The following STARD9 variants were observed in gnomAD, a reference collection of about 807,000 sequenced individuals.
STARD9 encodes StAR related lipid transfer domain containing 9.
STARD9 carries 346 observed loss-of-function variants against 399.8 expected under a neutral mutation model. That is an observed-to-expected ratio of 0.87 (90% CI 0.79 to 0.95). STARD9 has a LOEUF of 0.95. Among genes scored for constraint, STARD9 ranks in the 40% least tolerant of loss-of-function variants. The pLI is 0.00. For missense variants in STARD9, 5,832 were observed against 5,667.5 expected, an observed-to-expected ratio of 1.03 and a Z score of -0.93; for synonymous variants, 2,203 against 2,143.5, an observed-to-expected ratio of 1.03 and a Z score of -0.77.
At chr15:42,632,272 C>T (rs553834804) in intron 3 of STARD9, among the ~76,000 whole-genome samples, 2 of 151,802 alleles carry the variant, frequency 1.3e-5, no homozygotes, top group South Asian at 4.2e-4. Flanking sequence ...TTTTTGGTTT[C>T]CATTTGCATG....
At chr15:42,591,814 C>G (rs2058401005) in intron 3 of STARD9, among the ~76,000 whole-genome samples, 1 of 152,226 alleles carries the variant, frequency 6.6e-6, no homozygotes, top group Non-Finnish European at 1.5e-5. Context: ...GCAAGTTCTA[C>G]TGAGAAGCAG....
chr15:42,663,857 G>A lies in STARD9; in HGVS notation c.1116G>A (p.Met372Ile). 1.3e-6 allele frequency: 2 copies of A among 1,537,144 alleles called. No homozygotes were observed. Among genetic ancestry groups the A allele is most frequent in the Non-Finnish European group, 1.7e-6 (2 of 1,146,800 alleles). ...SPAHTSYSET[M>I]STLRYASSAK... ...CACACACTAGCTACAGTGAGACCAT[G>A]AGCACACTGAGATATGCATCCAGTG... The change falls in exon 13 of 33, where the codon ATG becomes ATA. Residue 372 changes from methionine to isoleucine, a missense_variant. Around this residue, in one of 2 missense-constraint regions of STARD9, gnomAD observed 5,828 missense variants for 5,651.1 expected, o/e 1.03. Transcript: ENST00000290607.
In STARD9 at chr15:42,651,070, A is replaced by G. The variant is rs1377822144; in HGVS notation, c.614A>G (p.Glu205Gly). 4.6e-6 allele frequency: 7 copies of G among 1,534,242 alleles called. No individual in the cohort carries two copies. The highest frequency in any genetic ancestry group is 1.7e-4 in the Middle Eastern group (1 of 5,976). ...AAGCAAGTAATCCAACTCTTGGAGG[A>G]GGGAATTGCAAACAGGTAACAGGTT... ...NYKQVIQLLE[E>G]GIANRITAAT... The change falls in exon 8 of 33, where the codon GAG (glutamate) becomes GGG (glycine). Residue 205 changes from glutamate to glycine, a missense_variant. Around this residue, in one of 2 missense-constraint regions of STARD9, gnomAD observed 5,828 missense variants for 5,651.1 expected, o/e 1.03. Coordinates refer to ENST00000290607, the MANE Select transcript of STARD9 (RefSeq NM_020759.3).
chr15:42,621,188 G>A (rs2059085252), intron 3 of STARD9, among the ~76,000 whole-genome samples: 1 of 151,988 alleles, frequency 6.6e-6, no homozygotes. Flanking sequence ...TCACTGTAAA[G>A]TTACTCTTTC....
chr15:42,658,902 C>A (rs1428720552), intron 9 of STARD9, among the ~76,000 whole-genome samples: 1 of 151,996 alleles, frequency 6.6e-6, no homozygotes, highest in South Asian at 2.1e-4. Flanking sequence ...CACTTGAGAT[C>A]GGGGGTCGAG....
At chr15:42,660,146 TACAG>T (rs1036508422) in intron 9 of STARD9, among the ~76,000 whole-genome samples, 1 of 152,172 alleles carries the variant, frequency 6.6e-6, no homozygotes, top group African/African-American at 2.4e-5. Flanking sequence ...AAGGTAGACT[TACAG>T]ACATAGAAAG....
chr15:42,650,498 C>T (rs12324135), intron 7 of STARD9, among the ~76,000 whole-genome samples: 21,293 of 152,172 alleles, frequency 0.14, 4,045 homozygotes, highest in African/African-American at 0.43. Context: ...GTCCTGACCA[C>T]GCCTCTGATC....
intron 15 of STARD9, among the ~76,000 whole-genome samples, chr15:42,668,767 C>T (rs1465313369): frequency 1.3e-5 from 2 of 151,834 alleles, no homozygotes; most frequent in African/African-American, 4.8e-5. Context: ...AAAAGGGTTC[C>T]CAAGTATGGA....
chr15:42,595,804 C>T (rs968014803), intron 3 of STARD9, among the ~76,000 whole-genome samples: 4 of 152,124 alleles, frequency 2.6e-5, no homozygotes, highest in Non-Finnish European at 5.9e-5. Flanking sequence ...TCAGATGGGG[C>T]TCTGCAGAGC....
In STARD9 at chr15:42,686,868, C is replaced by G. The variant is rs1452239981; in HGVS notation, c.5290C>G (p.Pro1764Ala). The change falls in exon 23 of 33, where the codon CCA becomes GCA. Residue 1764 changes from proline (P) to alanine (A), a missense_variant. Physicochemically the swap from Pro to Ala is conservative, Grantham distance 27. Around this residue, in one of 2 missense-constraint regions of STARD9, gnomAD observed 5,828 missense variants for 5,651.1 expected, o/e 1.03. Coordinates refer to ENST00000290607, the MANE Select transcript of STARD9 (RefSeq NM_020759.3). The part of the protein sequence containing the change: ...DALTETALEI[P>A]ACREVRVPSP... ...CCTGACAGAAACTGCCTTAGAGATT[C>G]CAGCTTGCAGAGAAGTAAGGGTACC... The G allele has an allele frequency of 3.3e-6, 5 of 1,537,024 alleles. No homozygotes were observed. The South Asian group carries it at 3.6e-5, about 11-fold the overall frequency.
chr15:42,618,139 C>G (rs1407890910), intron 3 of STARD9, among the ~76,000 whole-genome samples: 1 of 151,118 alleles, frequency 6.6e-6, no homozygotes, highest in East Asian at 2.0e-4. Context: ...CTTTTATTTA[C>G]TATTTATTTA....
intron 31 of STARD9, 94 bp from the exon 32 acceptor site, chr15:42,718,658 C>A: frequency 2.1e-6 from 3 of 1,462,296 alleles, no homozygotes; most frequent in Non-Finnish European, 2.8e-6. Context: ...GAAGGCTGGC[C>A]CAGTGTTGCC....
intron 26 of STARD9, among the ~76,000 whole-genome samples, chr15:42,713,828 G>GAT: frequency 6.6e-6 from 1 of 152,162 alleles, no homozygotes; most frequent in East Asian, 1.9e-4. Context: ...ATTCATAAGG[G>GAT]ATATTACTCT....
At position 42,693,297 on chromosome 15, in the gene STARD9, A is replaced by G. The variant is rs967405153; in HGVS notation, c.11719A>G (p.Ser3907Gly). Residue 3907 changes from serine to glycine, a missense_variant, in exon 23 of 33, where the codon AGC (serine) becomes GGC (glycine). Transcript: ENST00000290607. ...CTCCCCAATCCTCACTCTTAGTGCC[A>G]GCACCCAAGAGCCGGGTCTTTCCCC... ...ASSPILTLSASTQEPGLSPGS... is the reference protein window; with the variant it reads ...ASSPILTLSAGTQEPGLSPGS... 1 of 1,537,084 alleles carries G rather than the reference A, an allele frequency of 6.5e-7. No individual in the cohort carries two copies. The highest frequency in any genetic ancestry group is 1.2e-5 in the South Asian group (1 of 84,056).
At position 42,691,288 on chromosome 15, in the gene STARD9, A is replaced by G; in HGVS notation, c.9710A>G (p.Asp3237Gly). Residue 3237 changes from aspartate (D) to glycine (G), a missense_variant, in exon 23 of 33, where the codon GAT (aspartate) becomes GGT (glycine). Coordinates refer to ENST00000290607, the MANE Select transcript of STARD9 (RefSeq NM_020759.3). Reference sequence around the variant, plus strand: ...GGTGTGAATCCCCTTCCTGATGAAGATGGCTTAGATGGCTGTCAGATTTTA... The same window carrying G: ...GGTGTGAATCCCCTTCCTGATGAAGGTGGCTTAGATGGCTGTCAGATTTTA... ...AQGVNPLPDE[D>G]GLDGCQILDA... 1 of 1,537,228 alleles carries G rather than the reference A, an allele frequency of 6.5e-7. No homozygotes were observed. Among genetic ancestry groups the G allele is most frequent in the Non-Finnish European group, 8.7e-7 (1 of 1,146,896 alleles).
chr15:42,665,164 C>T, intron 13 of STARD9, 89 bp from the exon 14 acceptor site: 1 of 1,029,822 alleles, frequency 9.7e-7, no homozygotes, highest in Non-Finnish European at 1.4e-6. Flanking sequence ...AAGGAGTAAT[C>T]TACCTCTTCC....
intron 12 of STARD9, 22 bp from the exon 13 acceptor site, chr15:42,663,798 A>C: frequency 6.6e-7 from 1 of 1,513,846 alleles, no homozygotes. Flanking sequence ...GCATGTTTTT[A>C]AACTTTCTCC....
intron 2 of STARD9, among the ~76,000 whole-genome samples, chr15:42,583,696 G>C (rs1386686132): frequency 6.6e-6 from 1 of 152,102 alleles, no homozygotes; most frequent in African/African-American, 2.4e-5. Context: ...GGGATGTTTT[G>C]GGGGCAATAG....
intron 3 of STARD9, among the ~76,000 whole-genome samples, chr15:42,625,208 G>A (rs142416794): frequency 0.011 from 1,635 of 151,104 alleles, 34 homozygotes; most frequent in African/African-American, 0.038. Context: ...TGTATTTTTA[G>A]TAGAGATGGG....
Sources: gnomAD v4.1 joint callset for allele counts (sites outside exome capture counted in the v4.1 genomes callset) on GRCh38, gnomAD v4.1.1 for gene constraint, gnomAD v4.1.1 regional missense constraint, MANE v1.5 for transcripts, NCBI Gene and HGNC (gene_info 2026-07-23, HGNC 2026-07-21) for gene names.